The following DPP6 variants were observed in gnomAD, a reference collection of about 807,000 sequenced individuals.
The protein encoded by DPP6 is dipeptidyl peptidase like 6, also known as A-type potassium channel modulatory protein DPP6.
DPP6 carries 69 observed loss-of-function variants against 122.6 expected under a neutral mutation model. The ratio of observed to expected loss-of-function variants is 0.56; its 90% CI spans 0.46 to 0.69. The LOEUF is 0.69. Ranked by LOEUF, DPP6 falls within the 30% of genes least tolerant of loss-of-function variation. DPP6 has a pLI of 0.00. For synonymous variants in DPP6, 418 were observed against 433.1 expected, an observed-to-expected ratio of 0.97 and a Z score of 0.43; for missense variants, 928 against 1,116.9, an observed-to-expected ratio of 0.83 and a Z score of 2.41.
chr7:154,585,021 G>A (rs1832346531), intron 5 of DPP6, among the ~76,000 whole-genome samples: 1 of 152,158 alleles, frequency 6.6e-6, no homozygotes, highest in Non-Finnish European at 1.5e-5. Flanking sequence ...ATTGGGATAT[G>A]GAACAGCCCC....
intron 8 of DPP6, among the ~76,000 whole-genome samples, chr7:154,758,279 A>G (rs1474683210): frequency 6.6e-6 from 1 of 152,148 alleles, no homozygotes; most frequent in Non-Finnish European, 1.5e-5. Context: ...GAAGGCCCGC[A>G]AGTTCATGGC....
the DPP6 span, among the ~76,000 whole-genome samples, chr7:153,814,421 C>T: frequency 6.6e-6 from 1 of 152,172 alleles, no homozygotes; most frequent in Non-Finnish European, 1.5e-5. Context: ...GAAGTTGACT[C>T]TCTGAATACA....
chr7:154,582,700 C>A lies in DPP6; in HGVS notation c.627+15784C>A, dbSNP rs1832154349. On this transcript the variant is annotated intron_variant, in intron 5 of 25. Transcript: ENST00000377770. ...AAAATAAAGCAAAGACAAAAAAGTT[C>A]TCTCTCTCTCAACCCATACCCATGT... is the stretch of plus-strand genomic sequence containing the variant. Among the ~76,000 whole-genome samples, 3 of 152,258 alleles carry A rather than the reference C, an allele frequency of 2.0e-5. No individual in the cohort carries two copies. The South Asian group carries it at 6.2e-4, about 32-fold the overall frequency.
intron 1 of DPP6, among the ~76,000 whole-genome samples, chr7:154,224,482 A>G (rs1192921542): frequency 6.7e-6 from 1 of 149,256 alleles, no homozygotes; most frequent in Non-Finnish European, 1.5e-5. Context: ...TGTGTACTCT[A>G]AATGTTTCTG....
intron 1 of DPP6, among the ~76,000 whole-genome samples, chr7:154,135,203 A>C (rs1164776161): frequency 6.6e-6 from 1 of 150,592 alleles, no homozygotes; most frequent in Non-Finnish European, 1.5e-5. Flanking sequence ...GTAAGCCTAC[A>C]CTTCTTGTGA....
rs1843626779 is a variant in DPP6, at chr7:154,755,627, A to C, written c.884-13790A>C. 6.6e-6 allele frequency among the ~76,000 whole-genome samples: 1 copy of C among 152,192 alleles called. No individual in the cohort carries two copies. The highest frequency in any genetic ancestry group is 1.5e-5 in the Non-Finnish European group (1 of 68,032). ...TGCTCACCGACTGCTGGGTGTGGCC[A>C]TCACCATCACCACCCTTCTAAGAGG... is the stretch of plus-strand genomic sequence containing the variant. On this transcript the variant is annotated intron_variant, in intron 8 of 25. Coordinates refer to ENST00000377770, the MANE Select transcript of DPP6 (RefSeq NM_130797.4). The surrounding 1 kb of genome is among the most constrained non-coding windows in gnomAD (Gnocchi z 4.7).
At chr7:153,819,900 T>A in the DPP6 span, among the ~76,000 whole-genome samples, 1 of 152,234 alleles carries the variant, frequency 6.6e-6, no homozygotes, top group Admixed American at 6.5e-5. Context: ...CTCTTTTTCT[T>A]CTTTATATTT....
chr7:154,030,898 G>C (rs536726216), intron 1 of DPP6, among the ~76,000 whole-genome samples: 3,966 of 152,040 alleles, frequency 0.026, 72 homozygotes, highest in Non-Finnish European at 0.036. Context: ...ATGTCTCTGA[G>C]CTATTAATAC....
At chr7:153,902,701 T>A (rs562280906) in intron 1 of DPP6, among the ~76,000 whole-genome samples, 1 of 152,162 alleles carries the variant, frequency 6.6e-6, no homozygotes, top group South Asian at 2.1e-4. Context: ...CTGGGTGTGG[T>A]GGCAGGTGCC....
chr7:154,299,231 C>T (rs551312411), intron 1 of DPP6, among the ~76,000 whole-genome samples: 30 of 152,358 alleles, frequency 2.0e-4, no homozygotes, highest in African/African-American at 7.0e-4. Context: ...CCCACGGCTC[C>T]TTGCCCCGGT....
chr7:154,084,989 CAAAAAAA>C (rs370222780), intron 1 of DPP6, among the ~76,000 whole-genome samples: 1 of 78,434 alleles, frequency 1.3e-5, no homozygotes, highest in African/African-American at 5.3e-5. Context: ...GACTCCGTCT[CAAAAAAA>C]AAAAAAAAAA....
rs1452454846 is a variant in DPP6 at position 154,015,808 on chromosome 7, T to C, written c.51+128074T>C. On this transcript the variant is annotated intron_variant, in intron 1 of 25. Coordinates refer to the DPP6 transcript ENST00000404039. ...TCTGAAGTCACTCCCAAGAGGTCCC[T>C]GCTTCCACTCCCCCTCCCACACCCA... is the stretch of plus-strand genomic sequence containing the variant. 2.6e-5 allele frequency among the ~76,000 whole-genome samples: 4 copies of C among 152,106 alleles called. No homozygotes were observed. The East Asian group carries it at 7.7e-4, about 29-fold the overall frequency.
chr7:153,929,344 A>C (rs574053777), intron 1 of DPP6, among the ~76,000 whole-genome samples: 1 of 152,276 alleles, frequency 6.6e-6, no homozygotes, highest in African/African-American at 2.4e-5. Context: ...GGCCTGAGCA[A>C]CTGGAAGAAT....
At chr7:153,790,962 G>A in the DPP6 span, among the ~76,000 whole-genome samples, 1 of 152,110 alleles carries the variant, frequency 6.6e-6, no homozygotes, top group Non-Finnish European at 1.5e-5. Context: ...TGGAAGACCC[G>A]AGGAGATAAA....
chr7:153,839,733 C>T, the DPP6 span, among the ~76,000 whole-genome samples: 1 of 152,214 alleles, frequency 6.6e-6, no homozygotes. Context: ...CAGTGGTTCT[C>T]AACCTGTCCT....
chr7:154,040,520 T>C (rs1227679136), intron 1 of DPP6, among the ~76,000 whole-genome samples: 5 of 148,386 alleles, frequency 3.4e-5, no homozygotes, highest in Non-Finnish European at 5.9e-5. Context: ...ACCCCTGCCT[T>C]ATATAAACAA....
the DPP6 span, among the ~76,000 whole-genome samples, chr7:153,823,244 C>T: frequency 4.6e-5 from 7 of 151,570 alleles, no homozygotes; most frequent in South Asian, 1.0e-3. Context: ...CTTGGCTTTG[C>T]TCTCTGTGAG....
intron 1 of DPP6, among the ~76,000 whole-genome samples, chr7:154,083,600 G>T (rs1439956799): frequency 6.6e-6 from 1 of 150,574 alleles, no homozygotes; most frequent in African/African-American, 2.5e-5. Flanking sequence ...TGAGGTCTAG[G>T]TATAGATGGG....
At chr7:154,334,314 A>G (rs866835488) in intron 1 of DPP6, among the ~76,000 whole-genome samples, 1 of 152,178 alleles carries the variant, frequency 6.6e-6, no homozygotes, top group Non-Finnish European at 1.5e-5. Context: ...GAATGTTTGG[A>G]AGGGAAAGCA....
Sources: allele counts gnomAD v4.1 joint callset (sites outside exome capture counted in the v4.1 genomes callset), GRCh38; gene constraint gnomAD v4.1.1; non-coding constraint Gnocchi (gnomAD v3.1); transcripts MANE v1.5; gene names NCBI Gene and HGNC (gene_info 2026-07-23, HGNC 2026-07-21).